The following ABCA13 variants were observed in gnomAD, a reference collection of about 807,000 sequenced individuals.
ABCA13 encodes ATP binding cassette subfamily A member 13.
Under a neutral mutation model 478.7 loss-of-function variants are expected in ABCA13, and 476 were observed. That is an observed-to-expected ratio of 0.99 (90% CI 0.92 to 1.07). The LOEUF (loss-of-function observed/expected upper bound fraction) is 1.07, where lower values mean the gene tolerates loss of function less well. Ranked by LOEUF, ABCA13 falls within the 50% of genes least tolerant of loss-of-function variation. The probability of loss-of-function intolerance (pLI) is 0.00; values close to 1 mark genes in which losing one functional copy is unlikely to be tolerated. For missense variants in ABCA13, 6,060 were observed against 5,910.6 expected, an observed-to-expected ratio of 1.03 and a Z score of -0.83; for synonymous variants, 2,252 against 2,158.9, an observed-to-expected ratio of 1.04 and a Z score of -1.20.
chr7:48,259,664 T>C (rs1793899430), intron 15 of ABCA13, among the ~76,000 whole-genome samples: 1 of 152,118 alleles, frequency 6.6e-6, no homozygotes, highest in Non-Finnish European at 1.5e-5. Flanking sequence ...AGTTGGTTAC[T>C]ATGCAGACTT....
chr7:48,445,111 C>T (rs905528198), intron 42 of ABCA13, among the ~76,000 whole-genome samples: 4 of 151,660 alleles, frequency 2.6e-5, no homozygotes, highest in Admixed American at 6.6e-5. Flanking sequence ...TAGGTTCAAG[C>T]GATTCTCCTG....
intron 19 of ABCA13, among the ~76,000 whole-genome samples, chr7:48,282,960 C>G (rs1379815393): frequency 6.6e-6 from 1 of 152,156 alleles, no homozygotes; most frequent in Admixed American, 6.5e-5. Context: ...GCCAGAAGCT[C>G]TTCTATACTT....
chr7:48,430,573 G>A (rs1822004611), intron 42 of ABCA13, among the ~76,000 whole-genome samples: 1 of 151,816 alleles, frequency 6.6e-6, no homozygotes, highest in Non-Finnish European at 1.5e-5. Flanking sequence ...TACTTGGGAG[G>A]CGGAGGCAGA....
chr7:48,471,288 A>G (rs1585472180), intron 44 of ABCA13, among the ~76,000 whole-genome samples: 1 of 152,318 alleles, frequency 6.6e-6, no homozygotes, highest in South Asian at 2.1e-4. Context: ...CCTGTGATAC[A>G]CTCAGTACAG....
chr7:48,467,948 A>C (rs1255342665), intron 44 of ABCA13, among the ~76,000 whole-genome samples: 2 of 152,228 alleles, frequency 1.3e-5, no homozygotes, highest in African/African-American at 2.4e-5. Context: ...TAGTCTTTGC[A>C]AAACAAAGTA....
chr7:48,561,456 C>T (rs1180707119), intron 55 of ABCA13, among the ~76,000 whole-genome samples: 1 of 152,100 alleles, frequency 6.6e-6, no homozygotes, highest in East Asian at 1.9e-4. Flanking sequence ...AGCGATATCT[C>T]ATTGTGTTTT....
chr7:48,424,199 G>A (rs1339048299), intron 41 of ABCA13, among the ~76,000 whole-genome samples: 1 of 152,178 alleles, frequency 6.6e-6, no homozygotes, highest in African/African-American at 2.4e-5. Flanking sequence ...TCTTTTGGAA[G>A]ATTGTTTATA....
intron 53 of ABCA13, 122 bp downstream of exon 53, chr7:48,520,416 A>G (rs34335910): frequency 0.048 from 55,101 of 1,146,170 alleles, 2,233 homozygotes; most frequent in African/African-American, 0.2. Flanking sequence ...ACATAGTTCT[A>G]ATGCGTTAAG....
intron 55 of ABCA13, among the ~76,000 whole-genome samples, chr7:48,551,933 C>A (rs765516386): frequency 2.0e-5 from 3 of 151,760 alleles, no homozygotes; most frequent in Non-Finnish European, 4.4e-5. Flanking sequence ...TCCAAGGCAG[C>A]CTCACTTTGA....
intron 59 of ABCA13, among the ~76,000 whole-genome samples, chr7:48,639,856 A>G (rs547083903): frequency 6.6e-6 from 1 of 152,346 alleles, no homozygotes; most frequent in South Asian, 2.1e-4. Context: ...AGAAACTGAA[A>G]TACAGTCGTA....
Position 48,455,236 on chromosome 7 carries a change from C to G in ABCA13, c.12765C>G (p.Pro4255=), listed in dbSNP as rs1320059125. The change falls in exon 43 of 62, where the codon CCC becomes CCG. Residue 4255 remains proline, a synonymous_variant. Transcript: ENST00000435803. The part of the protein sequence containing the change: ...MVRPLATEYP[P]LRLTPGHYQR... ...GACCCCTGGCCACCGAGTACCCTCCCCTCAGACTCACACCTGGACATTACC... is the reference window on the plus strand; with the variant it reads ...GACCCCTGGCCACCGAGTACCCTCCGCTCAGACTCACACCTGGACATTACC... 6.2e-7 allele frequency: 1 copy of G among 1,604,980 alleles called. No individual in the cohort carries two copies. Among genetic ancestry groups the G allele is most frequent in the Non-Finnish European group, 8.5e-7 (1 of 1,176,148 alleles).
At chr7:48,198,181 A>G in intron 2 of ABCA13, 56 bp from the exon 3 acceptor site, 13 of 1,530,334 alleles carry the variant, frequency 8.5e-6, no homozygotes, top group Non-Finnish European at 1.1e-5. Flanking sequence ...CTCAACAGGA[A>G]TTCCATTTCT....
At chr7:48,317,975 G>C (rs1343809618) in intron 27 of ABCA13, among the ~76,000 whole-genome samples, 1 of 152,002 alleles carries the variant, frequency 6.6e-6, no homozygotes, top group African/African-American at 2.4e-5. Context: ...CTACTAGGGG[G>C]CCTGTAAGCC....
intron 1 of ABCA13, among the ~76,000 whole-genome samples, chr7:48,187,299 G>A (rs1311200274): frequency 1.4e-5 from 2 of 144,354 alleles, no homozygotes; most frequent in African/African-American, 2.6e-5. Context: ...CTAGACACCT[G>A]TAGTAGTAAT....
rs752941832 is a variant in ABCA13, at chr7:48,317,329, A to G, written c.9999+33A>G. ...AAAATAAATGAGAATCATATAGACCATACATACACTAAATCAGGAAGGAAT... is the reference window on the plus strand; with the variant it reads ...AAAATAAATGAGAATCATATAGACCGTACATACACTAAATCAGGAAGGAAT... On this transcript the variant is annotated intron_variant, in intron 27 of 61. Transcript: ENST00000435803. The G allele has an allele frequency of 4.4e-6, 7 of 1,581,488 alleles. No individual in the cohort carries two copies. The East Asian group carries it at 9.0e-5, about 20-fold the overall frequency.
At chr7:48,441,381 A>G (rs1200894786) in intron 42 of ABCA13, among the ~76,000 whole-genome samples, 2 of 151,956 alleles carry the variant, frequency 1.3e-5, no homozygotes, top group Non-Finnish European at 2.9e-5. Context: ...ATTGATTCCT[A>G]CTCCTGGGCT....
intron 3 of ABCA13, among the ~76,000 whole-genome samples, chr7:48,201,015 C>T (rs1798615781): frequency 6.6e-6 from 1 of 152,160 alleles, no homozygotes; most frequent in African/African-American, 2.4e-5. Flanking sequence ...AAGGCGGGTC[C>T]AGGGGTCCTG....
intron 1 of ABCA13, among the ~76,000 whole-genome samples, chr7:48,173,403 A>T (rs1397624676): frequency 3.3e-5 from 5 of 152,242 alleles, no homozygotes; most frequent in Non-Finnish European, 5.9e-5. Flanking sequence ...TGTTCAGTAA[A>T]TATTTGTTGA....
At chr7:48,608,914 C>A (rs760501438) in intron 58 of ABCA13, among the ~76,000 whole-genome samples, 3 of 152,174 alleles carry the variant, frequency 2.0e-5, no homozygotes, top group Non-Finnish European at 4.4e-5. Flanking sequence ...CCAGTTTCTT[C>A]ATTTGACCCT....
Sources: allele counts gnomAD v4.1 joint callset (sites outside exome capture counted in the v4.1 genomes callset), GRCh38; gene constraint gnomAD v4.1.1; transcripts MANE v1.5; gene names NCBI Gene and HGNC (gene_info 2026-07-23, HGNC 2026-07-21).